Variants in SLC38A7 observed in about 807,000 individuals in gnomAD.
SLC38A7 encodes the protein solute carrier family 38 member 7.
Under a neutral mutation model 50.1 loss-of-function variants are expected in SLC38A7, and 29 were observed. The ratio of observed to expected loss-of-function variants is 0.58; its 90% CI spans 0.43 to 0.79. SLC38A7 has a LOEUF of 0.79. Ranked by LOEUF, SLC38A7 falls within the 30% of genes least tolerant of loss-of-function variation. The pLI is 0.00. For missense variants in SLC38A7, 483 were observed against 610.6 expected (o/e 0.79, Z 2.20); for synonymous variants, 244 against 245.9 (o/e 0.99, Z 0.07).
At position 58,678,356 on chromosome 16, in the gene SLC38A7, C is replaced by T. The variant is rs1202140251; in HGVS notation, c.588G>A (p.Glu196=). The T allele has an allele frequency of 1.3e-6, 2 of 1,572,298 alleles. No individual in the cohort carries two copies. Among genetic ancestry groups the T allele is most frequent in the Non-Finnish European group, 8.6e-7 (1 of 1,159,742 alleles). The part of the protein sequence containing the change: ...LFILPLSIPR[E]IGFQKYASFL... Reference sequence around the variant, plus strand: ...ACCTGGCATATTTCTGGAAACCAATCTCCCTGGGGATGGAGAGGGGCAGGA... The same window carrying T: ...ACCTGGCATATTTCTGGAAACCAATTTCCCTGGGGATGGAGAGGGGCAGGA... The change falls in exon 5 of 12, where the codon GAG becomes GAA. Residue 196 remains glutamate (E), a synonymous_variant. Coordinates refer to ENST00000219320, the MANE Select transcript of SLC38A7 (RefSeq NM_018231.3). This position sits in a 1 kb window ranked among gnomAD's most constrained non-coding sequence, Gnocchi z 4.0.
intron 8 of SLC38A7, among the ~76,000 whole-genome samples, chr16:58,674,344 AT>A (rs1445015525): frequency 6.6e-6 from 1 of 151,916 alleles, no homozygotes; most frequent in Non-Finnish European, 1.5e-5. Flanking sequence ...TGGCATGATC[AT>A]GGGTCTCTAC....
At position 58,678,994 on chromosome 16, in the gene SLC38A7, T is replaced by C. The variant is rs1419244355; in HGVS notation, c.271-100A>G. ...TACTGGGCCAGTGCCCAAAGCAAGC[T>C]TGGCAAATCTCACAAAGGCAATTTT... is the stretch of plus-strand genomic sequence containing the variant. On this transcript the variant is annotated intron_variant, in intron 3 of 11. Coordinates refer to ENST00000219320, the MANE Select transcript of SLC38A7 (RefSeq NM_018231.3). This position sits in a 1 kb window ranked among gnomAD's most constrained non-coding sequence, Gnocchi z 4.0. 2 of 1,229,084 alleles carry C rather than the reference T, an allele frequency of 1.6e-6. No individual in the cohort carries two copies. The highest frequency in any genetic ancestry group is 1.5e-5 in the African/African-American group (1 of 66,964). The allele number at this position is 1,229,084 out of a possible 1,614,324, so 76.1% of individuals were successfully genotyped here.
At chr16:58,675,429 C>A in intron 8 of SLC38A7, 1 of 371,666 alleles carries the variant, frequency 2.7e-6, no homozygotes, top group Non-Finnish European at 5.2e-6. Context: ...GCAGGAGGAT[C>A]ACTCGACCTC....
At chr16:58,680,312 A>C in intron 2 of SLC38A7, 71 bp from the exon 3 acceptor site, 2 of 609,426 alleles carry the variant, frequency 3.3e-6, no homozygotes, top group Non-Finnish European at 5.0e-6. Flanking sequence ...AGGTGTAATA[A>C]CTTTCCCAAG....
chr16:58,678,111 G>A lies in SLC38A7; in HGVS notation c.611+222C>T, dbSNP rs1248402834. On this transcript the variant is annotated intron_variant, in intron 5 of 11. Coordinates refer to ENST00000219320, the MANE Select transcript of SLC38A7 (RefSeq NM_018231.3). This position sits in a 1 kb window ranked among gnomAD's most constrained non-coding sequence, Gnocchi z 4.0. ...ACTGAACTACTCATGGATGCAAAAG[G>A]ACATTTAGAACTGAATCTCTCATGG... Among the ~76,000 whole-genome samples, 1 of 152,086 alleles carries A rather than the reference G, an allele frequency of 6.6e-6. No individual in the cohort carries two copies. The highest frequency in any genetic ancestry group is 6.6e-5 in the Admixed American group (1 of 15,256).
chr16:58,673,134 A>G (rs1475665689), intron 8 of SLC38A7, among the ~76,000 whole-genome samples: 1 of 113,582 alleles, frequency 8.8e-6, no homozygotes, highest in African/African-American at 3.7e-5. Flanking sequence ...GCGCTCTGTC[A>G]TGCCCAGGCT....
chr16:58,672,160 C>T lies in SLC38A7; in HGVS notation c.967G>A (p.Val323Ile), dbSNP rs372860415. 1.9e-5 allele frequency: 30 copies of T among 1,565,694 alleles called. No individual in the cohort carries two copies. Among genetic ancestry groups the T allele is most frequent in the Middle Eastern group, 3.3e-4 (2 of 6,026 alleles). ...SYPSEDMAVAVARAFIILSVL... is the reference protein window; with the variant it reads ...SYPSEDMAVAIARAFIILSVL... The stretch of plus-strand genomic sequence containing the variant: ...CTCAGGATGATGAAGGCTCGGGCAA[C>T]GGCCACGGCCATGTCCTCCGAGGGA... The change falls in exon 9 of 12, where the codon GTT becomes ATT. Residue 323 changes from valine (V) to isoleucine (I), a missense_variant. Physicochemically the swap from Val to Ile is conservative, Grantham distance 29. Transcript: ENST00000219320.
rs2044059437 is a variant in SLC38A7 at position 58,667,388 on chromosome 16, T to C, written c.1386A>G (p.Ala462=). ...TGTGTTCCCTGGGAGGCAGTGGTTATGCCAAGAGATCCACAAAGATGGCGT... is the reference window on the plus strand; with the variant it reads ...TGTGTTCCCTGGGAGGCAGTGGTTACGCCAAGAGATCCACAAAGATGGCGT... ...TANAIFVDLL[A] Residue 462 remains alanine, a synonymous_variant, in exon 12 of 12, where the codon GCA becomes GCG. Coordinates refer to ENST00000219320, the MANE Select transcript of SLC38A7 (RefSeq NM_018231.3). 1 of 1,614,052 alleles carries C rather than the reference T, an allele frequency of 6.2e-7. No individual in the cohort carries two copies. The highest frequency in any genetic ancestry group is 1.3e-5 in the African/African-American group (1 of 75,024).
At chr16:58,677,557 C>T in intron 5 of SLC38A7, 133 bp from the exon 6 acceptor site, 6 of 734,858 alleles carry the variant, frequency 8.2e-6, no homozygotes. Context: ...GCCAAGCAGA[C>T]TCAGGAAACG....
At position 58,666,232 on chromosome 16, in the gene SLC38A7, A is replaced by G. The variant is rs1029170147; in HGVS notation, c.*1153T>C. On this transcript the variant is annotated 3_prime_UTR_variant, in exon 12 of 12. Transcript: ENST00000219320. Reference sequence around the variant, plus strand: ...AGGTGCCCGCCACCATGCCCGGTTAATTTTTTGTATTTTTAGTAGAGATGG... The same window carrying G: ...AGGTGCCCGCCACCATGCCCGGTTAGTTTTTTGTATTTTTAGTAGAGATGG... 1.3e-5 allele frequency: 2 copies of G among 152,216 alleles called. No individual in the cohort carries two copies. Among genetic ancestry groups the G allele is most frequent in the Admixed American group, 1.3e-4 (2 of 15,262 alleles). 9.4% of individuals were successfully genotyped at this position (152,216 alleles called of 1,614,324 possible).
In SLC38A7 at chr16:58,678,502, A is replaced by G; in HGVS notation, c.470-28T>C. 3 of 1,543,292 alleles carry G rather than the reference A, an allele frequency of 1.9e-6. No homozygotes were observed. Among genetic ancestry groups the G allele is most frequent in the Non-Finnish European group, 2.6e-6 (3 of 1,142,328 alleles). ...GCACAGGGAGGAAGGAGGGAATGTC[A>G]AGCCAGGCCACCATGGGGTGTGGCC... On this transcript the variant is annotated intron_variant, in intron 4 of 11. Coordinates refer to ENST00000219320, the MANE Select transcript of SLC38A7 (RefSeq NM_018231.3). The surrounding 1 kb of genome is among the most constrained non-coding windows in gnomAD (Gnocchi z 4.0).
Position 58,679,985 on chromosome 16 carries a change from T to C in SLC38A7, c.142A>G (p.Arg48Gly). The C allele has an allele frequency of 1.9e-6, 3 of 1,612,574 alleles. No individual in the cohort carries two copies. The highest frequency in any genetic ancestry group is 2.5e-6 in the Non-Finnish European group (3 of 1,179,114). Reference protein sequence around the residue: ...EWEASPGGLDRGTTSTLGAIF... With the variant: ...EWEASPGGLDGGTTSTLGAIF... Reference sequence around the variant, plus strand: ...GCCCCAAGTGTGGAAGTGGTGCCTCTGTCCAGACCCCCAGGAGAGGCTTCC... The same window carrying C: ...GCCCCAAGTGTGGAAGTGGTGCCTCCGTCCAGACCCCCAGGAGAGGCTTCC... Residue 48 changes from arginine (R) to glycine (G), a missense_variant, in exon 3 of 12, where the codon AGA becomes GGA. Coordinates refer to ENST00000219320, the MANE Select transcript of SLC38A7 (RefSeq NM_018231.3).
intron 3 of SLC38A7, chr16:58,679,560 A>C: frequency 1.9e-6 from 1 of 531,916 alleles, no homozygotes; most frequent in Non-Finnish European, 3.3e-6. Context: ...TAAATATTTC[A>C]GTATGTAGTT....
intron 5 of SLC38A7, chr16:58,677,676 T>C (rs771662248): frequency 1.6e-5 from 8 of 496,942 alleles, no homozygotes; most frequent in Non-Finnish European, 2.6e-5. Context: ...TTCAGCTCCA[T>C]GGCTCAGAGA....
intron 8 of SLC38A7, 70 bp downstream of exon 8, chr16:58,675,870 C>T: frequency 7.9e-7 from 1 of 1,272,506 alleles, no homozygotes; most frequent in South Asian, 1.3e-5. Flanking sequence ...AAGCTAGGCC[C>T]CAGGACCTAG....
chr16:58,671,718 T>A (rs1406975532), intron 9 of SLC38A7: 1 of 213,568 alleles, frequency 4.7e-6, no homozygotes, highest in Admixed American at 5.2e-5. Flanking sequence ...CACAGGTGCA[T>A]CCCACCACAC....
In SLC38A7 at chr16:58,673,584, G is replaced by A. The variant is rs185968585; in HGVS notation, c.884-1341C>T. On this transcript the variant is annotated intron_variant, in intron 8 of 11. Transcript: ENST00000219320. ...TCGCCATGTTGGTTGGGCTGGTCTC[G>A]AACTCCTGACCTCATGTGATCTGCC... Among the ~76,000 whole-genome samples the A allele has an allele frequency of 3.3e-5, 5 of 151,020 alleles. No individual in the cohort carries two copies. In the East Asian group the frequency reaches 5.9e-4, roughly 18 times the overall value.
In SLC38A7 at chr16:58,678,885, C is replaced by A; in HGVS notation, c.280G>T (p.Val94Phe). 1 of 1,613,198 alleles carries A rather than the reference C, an allele frequency of 6.2e-7. No homozygotes were observed. The highest frequency in any genetic ancestry group is 8.5e-7 in the Non-Finnish European group (1 of 1,180,012). ...AGIALQMGML[V>F]FIISGLVILA... ...ATGACAAGGCCACTGATGATGAAAACCAGCATACCCTGCAGGCAGAGGCAG... is the reference window on the plus strand; with the variant it reads ...ATGACAAGGCCACTGATGATGAAAAACAGCATACCCTGCAGGCAGAGGCAG... Residue 94 changes from valine to phenylalanine, a missense_variant, in exon 4 of 12, where the codon GTT becomes TTT. By Grantham distance (50) the Val-to-Phe change is conservative (BLOSUM62 -1). Transcript: ENST00000219320. This position sits in a 1 kb window ranked among gnomAD's most constrained non-coding sequence, Gnocchi z 4.0.
intron 2 of SLC38A7, among the ~76,000 whole-genome samples, chr16:58,683,382 G>C (rs936508600): frequency 6.6e-6 from 1 of 152,194 alleles, no homozygotes; most frequent in African/African-American, 2.4e-5. Flanking sequence ...TCATGAGAGG[G>C]AAAGGGTGAA....
Sources: gnomAD v4.1 joint callset for allele counts (sites outside exome capture counted in the v4.1 genomes callset) on GRCh38, gnomAD v4.1.1 for gene constraint, Gnocchi (gnomAD v3.1) non-coding constraint, MANE v1.5 for transcripts, NCBI Gene and HGNC (gene_info 2026-07-23, HGNC 2026-07-21) for gene names.